Variants in ARAP3 observed in about 807,000 individuals in gnomAD.
ARAP3 encodes arf-GAP with Rho-GAP domain, ANK repeat and PH domain-containing protein 3.
ARAP3 carries 82 observed loss-of-function variants against 169.2 expected under a neutral mutation model. The ratio of observed to expected loss-of-function variants is 0.48; its 90% CI spans 0.41 to 0.58. The LOEUF (loss-of-function observed/expected upper bound fraction) is 0.58. Among genes scored for constraint, ARAP3 ranks in the 20% least tolerant of loss-of-function variants. ARAP3 has a pLI of 0.00. For synonymous variants in ARAP3, 791 were observed against 800.3 expected (o/e 0.99, Z 0.20); for missense variants, 1,764 against 2,018.0 (o/e 0.87, Z 2.41).
Position 141,665,010 on chromosome 5 carries a change from C to T in ARAP3, c.2712G>A (p.Gly904=). ...GCTGCTCCTGCAGCCCTGTGCCGCC[C>T]CCACCAGCCGCGCCCCCAATGGCTG... The part of the protein sequence containing the change: ...WNAAIGGAAG[G]GGTGLQEQQM... Residue 904 remains glycine (G), a synonymous_variant, in exon 19 of 33, where the codon GGG becomes GGA. Transcript: ENST00000239440. The T allele has an allele frequency of 1.2e-6, 2 of 1,613,978 alleles. No individual in the cohort carries two copies. Among genetic ancestry groups the T allele is most frequent in the Non-Finnish European group, 1.7e-6 (2 of 1,179,980 alleles).
Position 141,654,126 on chromosome 5 carries a change from G to A in ARAP3, c.4459C>T (p.Gln1487Ter). The change falls in exon 33 of 33, where the codon CAG (glutamine) becomes TAG (stop). Residue 1487 changes from glutamine (Q) to a stop codon, truncating the protein, a stop_gained. Transcript: ENST00000239440. LOFTEE classifies it high-confidence loss of function. ...ARGSLEEQLLQELSSLILRKG... is the reference protein window; with the variant it reads ...ARGSLEEQLL Reference sequence around the variant, plus strand: ...CTCAGGATGAGGCTGCTGAGCTCCTGGAGCAGCTGTTCCTCTAGGGACCCC... The same window carrying A: ...CTCAGGATGAGGCTGCTGAGCTCCTAGAGCAGCTGTTCCTCTAGGGACCCC... The A allele has an allele frequency of 1.2e-6, 2 of 1,612,682 alleles. No individual in the cohort carries two copies. Among genetic ancestry groups the A allele is most frequent in the South Asian group, 1.1e-5 (1 of 91,006 alleles).
intron 23 of ARAP3, 112 bp from the exon 24 acceptor site, chr5:141,658,765 C>T: frequency 1.1e-6 from 1 of 917,872 alleles, no homozygotes; most frequent in Non-Finnish European, 1.6e-6. Flanking sequence ...AAGGTCTCCT[C>T]CCAACCCCAA....
intron 19 of ARAP3, 113 bp from the exon 20 acceptor site, chr5:141,662,368 G>A: frequency 1.0e-6 from 1 of 960,308 alleles, no homozygotes. Context: ...ATGGGATTCA[G>A]AGAGGAGGAG....
At chr5:141,659,754 G>A in intron 22 of ARAP3, 25 bp downstream of exon 22, 1 of 1,600,816 alleles carries the variant, frequency 6.2e-7, no homozygotes, top group Non-Finnish European at 8.5e-7. Flanking sequence ...AAGGGGTTGT[G>A]GGTTAGGGGT....
At chr5:141,655,255 CACA>C (rs1562401117) in intron 32 of ARAP3, 104 bp downstream of exon 32, 409 of 1,206,180 alleles carry the variant, frequency 3.4e-4, no homozygotes, top group Admixed American at 4.3e-4. Flanking sequence ...CACACACACA[CACA>C]CCCCCTGATG....
At chr5:141,661,895 G>T (rs1213184248) in intron 20 of ARAP3, 106 bp from the exon 21 acceptor site, 4 of 1,473,318 alleles carry the variant, frequency 2.7e-6, no homozygotes, top group Non-Finnish European at 3.8e-6. Context: ...ATGTGTCTCT[G>T]CCCCCTTCCC....
chr5:141,672,926 C>A lies in ARAP3; in HGVS notation c.1094-1G>T. ...GTGGAGCACCACATGTCCCGCTGAG[C>A]TGGTGGGGATGGAGAAGCAGGTCAG... On this transcript the variant is annotated splice_acceptor_variant, in intron 7 of 32. Transcript: ENST00000239440. LOFTEE classifies it high-confidence loss of function. The surrounding 1 kb of genome is among the most constrained non-coding windows in gnomAD (Gnocchi z 4.9). The A allele has an allele frequency of 6.2e-7, 1 of 1,611,478 alleles. No homozygotes were observed. Among genetic ancestry groups the A allele is most frequent in the Non-Finnish European group, 8.5e-7 (1 of 1,178,636 alleles).
Position 141,658,638 on chromosome 5 carries a change from C to A in ARAP3, c.3352G>T (p.Asp1118Tyr). 2 of 1,597,720 alleles carry A rather than the reference C, an allele frequency of 1.3e-6. No homozygotes were observed. The highest frequency in any genetic ancestry group is 1.7e-6 in the Non-Finnish European group (2 of 1,175,768). The change falls in exon 24 of 33, where the codon GAC becomes TAC. Residue 1118 changes from aspartate (D) to tyrosine (Y), a missense_variant. Asp to Tyr is a radical substitution (Grantham distance 160). Around this residue, in one of 3 missense-constraint regions of ARAP3, gnomAD observed 1,112 missense variants for 1,285.7 expected, o/e 0.86. Transcript: ENST00000239440. Reference protein sequence around the residue: ...WKDVQLSQAGDLIMEVYIEQQ... With the variant: ...WKDVQLSQAGYLIMEVYIEQQ... ...TCTATATAAACTTCCATGATGAGGT[C>A]TCCAGCCTGAGACAGCTGAGGGGAG...
At position 141,680,311 on chromosome 5, in the gene ARAP3, A is replaced by G; in HGVS notation, c.176T>C (p.Leu59Pro). The change falls in exon 2 of 33, where the codon CTA becomes CCA. Residue 59 changes from leucine (L) to proline (P), a missense_variant. Coordinates refer to ENST00000239440, the MANE Select transcript of ARAP3 (RefSeq NM_022481.6). ...TTCGGTGCCTGTCTGTAGCAGGCGT[A>G]GAATGCGTTTCCGGTGCCCTGTGGC... The part of the protein sequence containing the change: ...ISATGHRKRI[L>P]RLLQTGTEEG... The G allele has an allele frequency of 1.2e-6, 2 of 1,614,232 alleles. No individual in the cohort carries two copies. The highest frequency in any genetic ancestry group is 2.2e-5 in the South Asian group (2 of 91,092).
chr5:141,653,777 C>A lies in ARAP3; in HGVS notation c.*173G>T. On this transcript the variant is annotated 3_prime_UTR_variant, in exon 33 of 33. Coordinates refer to ENST00000239440, the MANE Select transcript of ARAP3 (RefSeq NM_022481.6). ...AAATGGGCTGGGCCCAGAGAGGGGC[C>A]ATGACCTGTCCTGGGACACGCAGCC... The A allele has an allele frequency of 1.2e-6, 1 of 832,526 alleles. No individual in the cohort carries two copies. 51.6% of individuals were successfully genotyped at this position (832,526 alleles called of 1,614,324 possible). A position where few individuals can be genotyped will look rare whatever the true frequency, so the allele number is the denominator to read the frequency against.
chr5:141,666,659 G>A lies in ARAP3; in HGVS notation c.2353-16C>T. ...GGGAGAACCACTGTAGAGGCAGGGGGAGGACAGGAGAAAGGGGGATGGGGG... is the reference window on the plus strand; with the variant it reads ...GGGAGAACCACTGTAGAGGCAGGGGAAGGACAGGAGAAAGGGGGATGGGGG... On this transcript the variant is annotated splice_polypyrimidine_tract_variant and intron_variant, in intron 16 of 32. Coordinates refer to ENST00000239440, the MANE Select transcript of ARAP3 (RefSeq NM_022481.6). The A allele has an allele frequency of 7.5e-7, 1 of 1,335,792 alleles. No individual in the cohort carries two copies. Among genetic ancestry groups the A allele is most frequent in the Non-Finnish European group, 9.7e-7 (1 of 1,027,046 alleles). The allele number at this position is 1,335,792 out of a possible 1,614,324, so 82.7% of individuals were successfully genotyped here.
intron 4 of ARAP3, among the ~76,000 whole-genome samples, chr5:141,677,624 C>A (rs1374368262): frequency 2.0e-5 from 3 of 152,184 alleles, no homozygotes; most frequent in Non-Finnish European, 4.4e-5. Flanking sequence ...TCCTTTGGCC[C>A]CCTACAGACC....
At chr5:141,675,182 C>T (rs1472485950) in intron 4 of ARAP3, among the ~76,000 whole-genome samples, 1 of 152,188 alleles carries the variant, frequency 6.6e-6, no homozygotes, top group Non-Finnish European at 1.5e-5. Context: ...TGCTTTTTCT[C>T]ATCCTTCAGG....
At chr5:141,673,242 T>A in intron 6 of ARAP3, 109 bp from the exon 7 acceptor site, 2 of 1,572,478 alleles carry the variant, frequency 1.3e-6, no homozygotes, top group Non-Finnish European at 1.7e-6. Flanking sequence ...CCACAAGCAG[T>A]GGGTACAGCT....
chr5:141,675,258 TCTCTGTCA>T (rs1445080941), intron 4 of ARAP3, among the ~76,000 whole-genome samples: 1 of 152,084 alleles, frequency 6.6e-6, no homozygotes, highest in Non-Finnish European at 1.5e-5. Context: ...CCTCTATTAT[TCTCTGTCA>T]CTTTCCAGGG....
In ARAP3 at chr5:141,670,626, G is replaced by A; in HGVS notation, c.1993C>T (p.Pro665Ser). The A allele has an allele frequency of 6.2e-7, 1 of 1,613,266 alleles. No homozygotes were observed. The highest frequency in any genetic ancestry group is 8.5e-7 in the Non-Finnish European group (1 of 1,179,316). Residue 665 changes from proline (P) to serine (S), a missense_variant and splice_region_variant, in exon 14 of 33, where the codon CCC (proline) becomes TCC (serine). Pro to Ser is a moderately conservative substitution (Grantham distance 74). Around this residue, in one of 3 missense-constraint regions of ARAP3, gnomAD observed 1,112 missense variants for 1,285.7 expected, o/e 0.86. Coordinates refer to ENST00000239440, the MANE Select transcript of ARAP3 (RefSeq NM_022481.6). ...GSCPGLLPSD[P>S]SPGVYNEVVV... is the part of the protein sequence containing the mutation. ...ACCTCATTGTACACACCAGGGGAGG[G>A]GTCTGCAAGGGGAAGGGGAAGTAGT...
chr5:141,666,052 A>AAT (rs1554224248), intron 17 of ARAP3, among the ~76,000 whole-genome samples: 110 of 140,858 alleles, frequency 7.8e-4, no homozygotes, highest in African/African-American at 2.8e-3. Flanking sequence ...AAAAAAAAAA[A>AAT]AATAATAATA....
chr5:141,679,920 C>G lies in ARAP3; in HGVS notation c.524+43G>C, dbSNP rs376190269. 37 of 1,612,880 alleles carry G rather than the reference C, an allele frequency of 2.3e-5. No individual in the cohort carries two copies. In the East Asian group the frequency reaches 5.1e-4, roughly 22 times the overall value. On this transcript the variant is annotated intron_variant, in intron 2 of 32. Transcript: ENST00000239440. ...TCCGTCCCCCTCATGCTCTCCTCCC[C>G]ACTCCTCCCAGCATCAGTCCCTAGG...
intron 22 of ARAP3, 85 bp downstream of exon 22, chr5:141,659,694 T>C: frequency 6.5e-7 from 1 of 1,539,104 alleles, no homozygotes; most frequent in South Asian, 1.2e-5. Context: ...GCTGGGGGCT[T>C]GTTGGGGTGA....
Sources: gnomAD v4.1 joint callset for allele counts (sites outside exome capture counted in the v4.1 genomes callset) on GRCh38, gnomAD v4.1.1 for gene constraint, gnomAD v4.1.1 regional missense constraint, Gnocchi (gnomAD v3.1) non-coding constraint, MANE v1.5 for transcripts, NCBI Gene and HGNC (gene_info 2026-07-23, HGNC 2026-07-21) for gene names.